The following OTUD7A variants were observed in gnomAD, a reference collection of about 807,000 sequenced individuals.
The protein encoded by OTUD7A is OTU domain-containing protein 7A.
Under a neutral mutation model 65.7 loss-of-function variants are expected in OTUD7A, and 12 were observed. That is an observed-to-expected ratio of 0.18 (90% CI 0.12 to 0.30). OTUD7A has a LOEUF of 0.30. Ranked by LOEUF, OTUD7A falls within the 10% of genes least tolerant of loss-of-function variation. The probability of loss-of-function intolerance (pLI) is 1.00; values close to 1 mark genes in which losing one functional copy is unlikely to be tolerated. For synonymous variants in OTUD7A, 641 were observed against 586.3 expected, an observed-to-expected ratio of 1.09 and a Z score of -1.35; for missense variants, 1,148 against 1,304.8, an observed-to-expected ratio of 0.88 and a Z score of 1.85.
chr15:31,749,183 G>A (rs928398690), intron 1 of OTUD7A, among the ~76,000 whole-genome samples: 11 of 151,960 alleles, frequency 7.2e-5, no homozygotes, highest in Admixed American at 1.3e-4. Flanking sequence ...TATACCTAAC[G>A]TTAAATGACG....
intron 1 of OTUD7A, among the ~76,000 whole-genome samples, chr15:31,782,376 T>G (rs1048955234): frequency 3.3e-5 from 5 of 152,176 alleles, no homozygotes; most frequent in Non-Finnish European, 7.3e-5. Context: ...GGCAAAAGAC[T>G]AGGTATGTTC....
intron 3 of OTUD7A, among the ~76,000 whole-genome samples, chr15:31,646,032 T>A (rs1324717379): frequency 1.3e-5 from 2 of 152,208 alleles, no homozygotes; most frequent in Non-Finnish European, 2.9e-5. Flanking sequence ...AAGAAAATAG[T>A]TTAAATTGAT....
At position 31,530,858 on chromosome 15, in the gene OTUD7A, A is replaced by G. The variant is rs186102945; in HGVS notation, c.551-50T>C. The G allele has an allele frequency of 3.4e-3, 5,130 of 1,515,660 alleles. 17 individuals carry two copies. The highest frequency in any genetic ancestry group is 5.0e-3 in the Middle Eastern group (28 of 5,580). The allele number at this position is 1,515,660 out of a possible 1,614,324, so 93.9% of individuals were successfully genotyped here. A position where few individuals can be genotyped will look rare whatever the true frequency, so the allele number is the denominator to read the frequency against. ...CAGGATCCCAGAAAAGGAAGGGGCC[A>G]CTGGGGGTGTTTGCTAAGGAGGCAT... is the stretch of plus-strand genomic sequence containing the variant. On this transcript the variant is annotated intron_variant, in intron 5 of 12. Transcript: ENST00000307050.
At chr15:31,493,150 A>G (rs62684860) in intron 10 of OTUD7A, among the ~76,000 whole-genome samples, 2 of 55,924 alleles carry the variant, frequency 3.6e-5, no homozygotes, top group Admixed American at 3.2e-4. Context: ...AGGTTGTAGG[A>G]AAAAAAAAAA....
intron 1 of OTUD7A, chr15:31,768,349 C>G: frequency 1.7e-6 from 1 of 590,630 alleles, no homozygotes; most frequent in East Asian, 2.8e-5. Context: ...CTCACAATTT[C>G]TATACAATAT....
chr15:31,742,789 C>T (rs2141374515), intron 1 of OTUD7A, among the ~76,000 whole-genome samples: 1 of 152,078 alleles, frequency 6.6e-6, no homozygotes, highest in East Asian at 1.9e-4. Context: ...ATATATATGA[C>T]ATGCAAACTG....
intron 1 of OTUD7A, among the ~76,000 whole-genome samples, chr15:31,860,072 C>T (rs1897680129): frequency 6.6e-6 from 1 of 152,038 alleles, no homozygotes; most frequent in Non-Finnish European, 1.5e-5. Flanking sequence ...ATGACATATC[C>T]ATGTGACCTT....
At chr15:31,806,721 AAG>A (rs1430049941) in intron 1 of OTUD7A, among the ~76,000 whole-genome samples, 1 of 152,232 alleles carries the variant, frequency 6.6e-6, no homozygotes, top group African/African-American at 2.4e-5. Context: ...TCTAGCTAAA[AAG>A]AGAGAATTTA....
chr15:31,777,813 CAA>C (rs1895427014), intron 1 of OTUD7A, among the ~76,000 whole-genome samples: 1 of 152,132 alleles, frequency 6.6e-6, no homozygotes, highest in Non-Finnish European at 1.5e-5. Flanking sequence ...AAGCTGTGTG[CAA>C]AGAGGCTGAA....
At chr15:31,844,794 A>G (rs1503016) in intron 1 of OTUD7A, among the ~76,000 whole-genome samples, 142,425 of 152,310 alleles carry the variant, frequency 0.94, 67,344 homozygotes, top group East Asian at 1. Context: ...CCACATAGGT[A>G]GATGGGTCCC....
chr15:31,717,488 A>C (rs576970814), intron 1 of OTUD7A, among the ~76,000 whole-genome samples: 1 of 151,982 alleles, frequency 6.6e-6, no homozygotes, highest in East Asian at 1.9e-4. Context: ...AGAACATGCG[A>C]TATTTGGTTT....
At chr15:31,540,036 C>G (rs751795530) in intron 5 of OTUD7A, among the ~76,000 whole-genome samples, 2 of 152,098 alleles carry the variant, frequency 1.3e-5, no homozygotes. Context: ...ATATTTTGGG[C>G]GAATCTAACT....
chr15:31,583,045 A>G (rs998061089), intron 3 of OTUD7A, among the ~76,000 whole-genome samples: 2 of 135,438 alleles, frequency 1.5e-5, no homozygotes, highest in South Asian at 2.1e-4. Flanking sequence ...AGTATGCTGG[A>G]AAGTGTGTTC....
chr15:31,812,883 T>A (rs1434166181), intron 1 of OTUD7A, among the ~76,000 whole-genome samples: 1 of 152,230 alleles, frequency 6.6e-6, no homozygotes, highest in Non-Finnish European at 1.5e-5. Context: ...ATGCAAGTGA[T>A]AAACATCTTC....
intron 1 of OTUD7A, among the ~76,000 whole-genome samples, chr15:31,799,173 G>A (rs542990680): frequency 6.6e-6 from 1 of 152,306 alleles, no homozygotes; most frequent in African/African-American, 2.4e-5. Flanking sequence ...CAAAGACACG[G>A]GAGAGGAGGG....
intron 3 of OTUD7A, among the ~76,000 whole-genome samples, chr15:31,587,290 C>T (rs183085023): frequency 3.4e-4 from 51 of 152,212 alleles, no homozygotes; most frequent in African/African-American, 1.1e-3. Flanking sequence ...TTACTTCCAC[C>T]CCAGTGTGCC....
chr15:31,509,867 T>A (rs752348367), intron 8 of OTUD7A, among the ~76,000 whole-genome samples: 14 of 151,902 alleles, frequency 9.2e-5, no homozygotes, highest in Non-Finnish European at 1.8e-4. Flanking sequence ...AATTTTACCG[T>A]GTCTTTCTTT....
intron 1 of OTUD7A, among the ~76,000 whole-genome samples, chr15:31,758,652 A>G (rs1894879223): frequency 6.6e-6 from 1 of 152,192 alleles, no homozygotes; most frequent in Non-Finnish European, 1.5e-5. Context: ...GCAATCAACA[A>G]TTCACCCATA....
chr15:31,493,693 C>T (rs189842459), intron 10 of OTUD7A, among the ~76,000 whole-genome samples: 4 of 152,134 alleles, frequency 2.6e-5, no homozygotes, highest in African/African-American at 9.7e-5. Flanking sequence ...AACTATAAAC[C>T]AGTAACGAAT....
Sources: allele counts gnomAD v4.1 joint callset (sites outside exome capture counted in the v4.1 genomes callset), GRCh38; gene constraint gnomAD v4.1.1; transcripts MANE v1.5; gene names NCBI Gene and HGNC (gene_info 2026-07-23, HGNC 2026-07-21).